The following TNFRSF13B variants were observed in gnomAD, a reference collection of about 807,000 sequenced individuals.
TNFRSF13B encodes the protein tumor necrosis factor receptor superfamily member 13B.
Under a neutral mutation model 24.0 loss-of-function variants are expected in TNFRSF13B, and 34 were observed. That is an observed-to-expected ratio of 1.41 (90% confidence interval 1.08 to 1.88). The LOEUF is 1.88. Among genes scored for constraint, TNFRSF13B ranks in the 40% most tolerant of loss-of-function variants. The pLI is 0.00. For synonymous variants in TNFRSF13B, 173 were observed against 150.3 expected (o/e 1.15, Z -1.10); for missense variants, 415 against 380.8 (o/e 1.09, Z -0.75).
rs72553883 is a variant in TNFRSF13B at position 16,940,415 on chromosome 17, G to T, written c.542C>A (p.Ala181Glu). ...CCTCTTCTTGAGGAAGCAGGCCACC[G>T]CCACCAGGAAGCAGCAGAGGACGGC... ...LCAVLCCFLVAVACFLKKRGD... is the reference protein window; with the variant it reads ...LCAVLCCFLVEVACFLKKRGD... Residue 181 changes from alanine to glutamate, a missense_variant, in exon 4 of 5, where the codon GCG (alanine) becomes GAG (glutamate). Transcript: ENST00000261652. The T allele has an allele frequency of 5.4e-3, 8,694 of 1,614,040 alleles. 49 individuals carry two copies. The highest frequency in any genetic ancestry group is 5.7e-3 in the Non-Finnish European group (6,718 of 1,180,018).
chr17:16,939,791 G>C lies in TNFRSF13B; in HGVS notation c.638C>G (p.Ala213Gly). 2.5e-6 allele frequency: 4 copies of C among 1,611,386 alleles called. No homozygotes were observed. The highest frequency in any genetic ancestry group is 2.2e-5 in the South Asian group (2 of 90,826). The change falls in exon 5 of 5, where the codon GCG (alanine) becomes GGG (glycine). Residue 213 changes from alanine to glycine, a missense_variant. Transcript: ENST00000261652. ...QSPAKSSQDH[A>G]MEAGSPVSTS... ...GCTCACAGGGCTGCCGGCTTCCATC[G>C]CGTGATCTGCAGAGGCGAGAGTGGA...
At chr17:16,955,466 A>C (rs2087618195) in intron 1 of TNFRSF13B, among the ~76,000 whole-genome samples, 1 of 152,266 alleles carries the variant, frequency 6.6e-6, no homozygotes, top group Non-Finnish European at 1.5e-5. Context: ...TAAAAACATC[A>C]GTAGAAGGGC....
chr17:16,943,618 G>A (rs1467603964), intron 3 of TNFRSF13B, among the ~76,000 whole-genome samples: 1 of 152,008 alleles, frequency 6.6e-6, no homozygotes, highest in Non-Finnish European at 1.5e-5. Context: ...CTTCTCCCAT[G>A]GCTGCCCCTG....
intron 4 of TNFRSF13B, 68 bp downstream of exon 4, chr17:16,940,258 C>T (rs569270953): frequency 2.7e-5 from 43 of 1,611,330 alleles, no homozygotes; most frequent in African/African-American, 1.5e-4. Flanking sequence ...GTGACAGGAC[C>T]GAGGGATGGC....
intron 3 of TNFRSF13B, among the ~76,000 whole-genome samples, chr17:16,943,439 A>G (rs755948053): frequency 5.8e-4 from 88 of 152,266 alleles, no homozygotes; most frequent in Admixed American, 1.1e-3. Flanking sequence ...ATCACATGCC[A>G]GCACCTCTCC....
intron 1 of TNFRSF13B, among the ~76,000 whole-genome samples, chr17:16,962,620 A>G (rs749345564): frequency 1.3e-5 from 2 of 152,240 alleles, no homozygotes; most frequent in Non-Finnish European, 2.9e-5. Flanking sequence ...TAAATGAGCC[A>G]TCTGAGTCAA....
At chr17:16,971,929 C>CTGG in intron 1 of TNFRSF13B, 86 bp downstream of exon 1, 1 of 1,397,766 alleles carries the variant, frequency 7.2e-7, no homozygotes, top group East Asian at 2.3e-5. Flanking sequence ...TTTGCACCTG[C>CTGG]TGGACCTTGC....
At chr17:16,946,683 G>A (rs1319806454) in intron 3 of TNFRSF13B, among the ~76,000 whole-genome samples, 1 of 151,754 alleles carries the variant, frequency 6.6e-6, no homozygotes, top group Non-Finnish European at 1.5e-5. Flanking sequence ...CACCTCTTGG[G>A]TTCAAACAAT....
At chr17:16,943,756 C>A (rs1449432642) in intron 3 of TNFRSF13B, among the ~76,000 whole-genome samples, 1 of 152,226 alleles carries the variant, frequency 6.6e-6, no homozygotes, top group Non-Finnish European at 1.5e-5. Context: ...CCTCTGCAAC[C>A]CCCATGTTGG....
At chr17:16,967,785 A>G (rs548626162) in intron 1 of TNFRSF13B, among the ~76,000 whole-genome samples, 19 of 149,682 alleles carry the variant, frequency 1.3e-4, no homozygotes, top group African/African-American at 3.7e-4. Context: ...AAGAAAGAAA[A>G]AAAAAAGAAA....
In TNFRSF13B at chr17:16,939,775, G is replaced by A; in HGVS notation, c.654C>T (p.Ser218=). 6.2e-7 allele frequency: 1 copy of A among 1,611,696 alleles called. No individual in the cohort carries two copies. Among genetic ancestry groups the A allele is most frequent in the Non-Finnish European group, 8.5e-7 (1 of 1,179,184 alleles). The part of the protein sequence containing the change: ...SSQDHAMEAG[S]PVSTSPEPVE... ...CTGGCTCGGGGGATGTGCTCACAGG[G>A]CTGCCGGCTTCCATCGCGTGATCTG... Residue 218 remains serine, a synonymous_variant, in exon 5 of 5, where the codon AGC becomes AGT. Coordinates refer to ENST00000261652, the MANE Select transcript of TNFRSF13B (RefSeq NM_012452.3).
rs200013015 is a variant in TNFRSF13B at position 16,972,018 on chromosome 17, G to A, written c.58C>T (p.Arg20Cys). 190 of 1,613,998 alleles carry A rather than the reference G, an allele frequency of 1.2e-4. No individual in the cohort carries two copies. Among genetic ancestry groups the A allele is most frequent in the East Asian group, 1.3e-4 (6 of 44,876 alleles). The part of the protein sequence containing the change: ...GGRSRVDQEE[R>C]FPQGLWTGVA... ...GCCCTCCTGCCCGGCTACTCACAGC[G>A]CTCCTCCTGGTCCACACGGCTCCGG... Residue 20 changes from arginine (R) to cysteine (C), a missense_variant, in exon 1 of 5, where the codon CGC becomes TGC. By Grantham distance (180) the Arg-to-Cys change is radical. Transcript: ENST00000261652.
At chr17:16,950,778 G>A (rs1175379437) in intron 2 of TNFRSF13B, among the ~76,000 whole-genome samples, 4 of 127,650 alleles carry the variant, frequency 3.1e-5, no homozygotes, top group Middle Eastern at 3.7e-3. Context: ...CCCCTCCCCC[G>A]CCTGGGACTC....
intron 3 of TNFRSF13B, among the ~76,000 whole-genome samples, chr17:16,945,346 A>G (rs2087540205): frequency 6.6e-6 from 1 of 152,216 alleles, no homozygotes; most frequent in Admixed American, 6.5e-5. Context: ...ACCTTGTCCC[A>G]GGGGCAACAG....
chr17:16,942,479 G>A (rs1213340356), intron 3 of TNFRSF13B, among the ~76,000 whole-genome samples: 2 of 152,154 alleles, frequency 1.3e-5, no homozygotes, highest in East Asian at 3.9e-4. Flanking sequence ...GTGTCACTCC[G>A]CCAGTCAGTG....
chr17:16,944,271 C>A (rs2087532115), intron 3 of TNFRSF13B, among the ~76,000 whole-genome samples: 1 of 152,214 alleles, frequency 6.6e-6, no homozygotes. Context: ...ATGCTGTTGC[C>A]TCTGTCTGGA....
chr17:16,965,982 C>A (rs1055825396), intron 1 of TNFRSF13B, among the ~76,000 whole-genome samples: 1 of 151,910 alleles, frequency 6.6e-6, no homozygotes. Context: ...TGGCTGGATG[C>A]GGCGGCTCAT....
At chr17:16,940,960 G>A (rs1597657229) in intron 3 of TNFRSF13B, 2 of 1,059,578 alleles carry the variant, frequency 1.9e-6, no homozygotes, top group Middle Eastern at 4.5e-4. Context: ...ATCCCCTACA[G>A]ATACCAAAAT....
intron 1 of TNFRSF13B, among the ~76,000 whole-genome samples, chr17:16,960,556 T>G (rs1296039056): frequency 6.6e-6 from 1 of 152,204 alleles, no homozygotes; most frequent in Non-Finnish European, 1.5e-5. Flanking sequence ...AAATTGGATA[T>G]TCACATGCAA....
Sources: allele counts gnomAD v4.1 joint callset (sites outside exome capture counted in the v4.1 genomes callset), GRCh38; gene constraint gnomAD v4.1.1; transcripts MANE v1.5; gene names NCBI Gene and HGNC (gene_info 2026-07-23, HGNC 2026-07-21).